The following IBA57 variants were observed in gnomAD, a reference collection of about 807,000 sequenced individuals.
IBA57 encodes the protein iron-sulfur cluster assembly factor IBA57, also known as iron-sulfur cluster assembly factor IBA57, mitochondrial.
A neutral mutation model predicts 20.4 loss-of-function variants in IBA57; 20 were observed. That is an observed-to-expected ratio of 0.98 (90% CI 0.69 to 1.42). The LOEUF (loss-of-function observed/expected upper bound fraction) is 1.42. Ranked by LOEUF, IBA57 falls within the 40% of genes most tolerant of loss-of-function variation. The pLI is 0.00. For missense variants in IBA57, 608 were observed against 499.3 expected (o/e 1.22, Z -2.07); for synonymous variants, 310 against 233.9 (o/e 1.33, Z -2.97).
chr1:228,179,219 C>T lies in IBA57; in HGVS notation c.*3706C>T, dbSNP rs2035072501. The T allele has an allele frequency of 6.6e-6, 1 of 151,808 alleles. No individual in the cohort carries two copies. The highest frequency in any genetic ancestry group is 1.5e-5 in the Non-Finnish European group (1 of 68,004). The allele number at this position is 151,808 out of a possible 1,614,324, so 9.4% of individuals were successfully genotyped here. On this transcript the variant is annotated 3_prime_UTR_variant, in exon 3 of 3. Transcript: ENST00000366711. ...GAAGCACACACACCAATGTTCTGAT[C>T]TTAGAGTAAGCAGACACATCACATG...
In IBA57 at chr1:228,166,015, G is replaced by T. The variant is rs1274392626; in HGVS notation, c.199G>T (p.Ala67Ser). ...GCTGCGCGTGCGTGGCCCCGACGCG[G>T]CGCCCTTCCTGCTAGGGCTGCTGAC... ...TLLRVRGPDAAPFLLGLLTNE... is the reference protein window; with the variant it reads ...TLLRVRGPDASPFLLGLLTNE... The change falls in exon 1 of 3, where the codon GCG becomes TCG. Residue 67 changes from alanine to serine, a missense_variant. Ala to Ser is a moderately conservative substitution (Grantham distance 99). Coordinates refer to ENST00000366711, the MANE Select transcript of IBA57 (RefSeq NM_001010867.4). The T allele has an allele frequency of 1.3e-6, 2 of 1,532,522 alleles. No homozygotes were observed. Among genetic ancestry groups the T allele is most frequent in the East Asian group, 2.5e-5 (1 of 40,122 alleles). 94.9% of individuals were successfully genotyped at this position (1,532,522 alleles called of 1,614,324 possible). A position where few individuals can be genotyped will look rare whatever the true frequency, so the allele number is the denominator to read the frequency against.
chr1:228,170,234 C>T lies in IBA57; in HGVS notation c.341+4077C>T, dbSNP rs2034905454. Among the ~76,000 whole-genome samples, 1 of 152,212 alleles carries T rather than the reference C, an allele frequency of 6.6e-6. No individual in the cohort carries two copies. Among genetic ancestry groups the T allele is most frequent in the Admixed American group, 6.5e-5 (1 of 15,282 alleles). On this transcript the variant is annotated intron_variant, in intron 1 of 2. Coordinates refer to ENST00000366711, the MANE Select transcript of IBA57 (RefSeq NM_001010867.4). The surrounding 1 kb of genome is among the most constrained non-coding windows in gnomAD (Gnocchi z 4.8). ...ATGGACCACAGTTTATTTGTCCACTCATCTACTGAGGGACATATTGGTTGC... is the reference window on the plus strand; with the variant it reads ...ATGGACCACAGTTTATTTGTCCACTTATCTACTGAGGGACATATTGGTTGC...
rs2035077253 is a variant in IBA57, at chr1:228,179,623, C to T, written c.*4110C>T. 1 of 152,192 alleles carries T rather than the reference C, an allele frequency of 6.6e-6. No homozygotes were observed. 9.4% of individuals were successfully genotyped at this position (152,192 alleles called of 1,614,324 possible). A position where few individuals can be genotyped will look rare whatever the true frequency, so the allele number is the denominator to read the frequency against. ...GCCCCTGCTCCTTAGGTTCAGGAAC[C>T]AGCAGCTCCCAAGCAGCATAGTTAA... On this transcript the variant is annotated 3_prime_UTR_variant, in exon 3 of 3. Coordinates refer to ENST00000366711, the MANE Select transcript of IBA57 (RefSeq NM_001010867.4).
At chr1:228,167,604 G>A (rs944423435) in intron 1 of IBA57, among the ~76,000 whole-genome samples, 4 of 152,084 alleles carry the variant, frequency 2.6e-5, no homozygotes, top group South Asian at 4.1e-4. Flanking sequence ...TGATCCACCC[G>A]CCTCGGCCTC....
rs1303618851 is a variant in IBA57 at position 228,165,963 on chromosome 1, C to G, written c.147C>G (p.Ala49=). The G allele has an allele frequency of 2.0e-6, 3 of 1,514,726 alleles. No individual in the cohort carries two copies. Among genetic ancestry groups the G allele is most frequent in the Admixed American group, 4.1e-5 (2 of 49,166 alleles). The allele number at this position is 1,514,726 out of a possible 1,614,324, so 93.8% of individuals were successfully genotyped here. A position where few individuals can be genotyped will look rare whatever the true frequency, so the allele number is the denominator to read the frequency against. ...GGDPTAGAAW[A]CFRLDGRTLL... ...ACCCAACGGCCGGAGCGGCCTGGGC[C>G]TGCTTCCGGCTGGACGGGCGCACCC... Residue 49 remains alanine, a synonymous_variant, in exon 1 of 3, where the codon GCC becomes GCG. Transcript: ENST00000366711.
rs142293421 is a variant in IBA57 at position 228,174,954 on chromosome 1, G to C, written c.604G>C (p.Asp202His). ...ARMGWRLLTQ[D>H]EGPALVPGGR... ...CATGGGGTGGCGGCTCCTCACCCAG[G>C]ATGAAGGCCCAGCCCTGGTGCCCGG... The change falls in exon 2 of 3, where the codon GAT (aspartate) becomes CAT (histidine). Residue 202 changes from aspartate (D) to histidine (H), a missense_variant. Transcript: ENST00000366711. The C allele has an allele frequency of 3.8e-6, 6 of 1,571,106 alleles. No homozygotes were observed.
intron 1 of IBA57, 31 bp from the exon 2 acceptor site, chr1:228,174,661 C>G: frequency 6.7e-7 from 1 of 1,486,904 alleles, no homozygotes; most frequent in Non-Finnish European, 8.9e-7. Context: ...AGTTGGTGAG[C>G]TGCCATGCGC....
At chr1:228,167,176 C>T (rs1174279001) in intron 1 of IBA57, among the ~76,000 whole-genome samples, 1 of 152,166 alleles carries the variant, frequency 6.6e-6, no homozygotes. Context: ...AAATGTCATG[C>T]TGATGTGTCT....
rs2034986410 is a variant in IBA57 at position 228,174,874 on chromosome 1, TG to T, written c.525del (p.Gln176ArgfsTer75). 1 of 1,609,142 alleles carries T rather than the reference TG, an allele frequency of 6.2e-7. No individual in the cohort carries two copies. Among genetic ancestry groups the T allele is most frequent in the Non-Finnish European group, 8.5e-7 (1 of 1,178,798 alleles). Reference protein sequence around the residue: ...SSPEACGAASLQERAGAAAIL... With the variant: ...SSPEACGAASXQERAGAAAIL... ...CCTGAGGCCTGCGGGGCTGCATCGC[TG>T]CAGGAGAGGGCAGGGGCTGCCGCCA... On this transcript the variant is annotated frameshift_variant, in exon 2 of 3. Transcript: ENST00000366711. LOFTEE classifies it high-confidence loss of function.
Position 228,166,073 on chromosome 1 carries a change from CG to C in IBA57, c.262del (p.Ala88ProfsTer13). On this transcript the variant is annotated frameshift_variant, in exon 1 of 3. Transcript: ENST00000366711. LOFTEE classifies it high-confidence loss of function. ...CTGCCGCTTCCGAGTCCTGCGGCCG[CG>C]GGGGCCCCGCCTGCTGCGCGCGCGG... ...NELPLPSPAA[A>X]GAPPAARAGY... The C allele has an allele frequency of 3.9e-6, 6 of 1,537,036 alleles. No individual in the cohort carries two copies. The highest frequency in any genetic ancestry group is 4.4e-6 in the Non-Finnish European group (5 of 1,144,960).
Position 228,181,501 on chromosome 1 carries a change from G to A in IBA57, c.*5988G>A, listed in dbSNP as rs1037559662. ...ATCTCCACCCAATATGAGTGATGGC[G>A]ACTGATTCCCTTACTTTAGCAAGCT... On this transcript the variant is annotated 3_prime_UTR_variant, in exon 3 of 3. Transcript: ENST00000366711. The A allele has an allele frequency of 3.3e-5, 5 of 152,258 alleles. No individual in the cohort carries two copies. The highest frequency in any genetic ancestry group is 1.2e-4 in the African/African-American group (5 of 41,460). 9.4% of individuals were successfully genotyped at this position (152,258 alleles called of 1,614,324 possible). A position where few individuals can be genotyped will look rare whatever the true frequency, so the allele number is the denominator to read the frequency against.
In IBA57 at chr1:228,171,342, G is replaced by A. The variant is rs1295405989; in HGVS notation, c.342-3350G>A. 3.1e-4 allele frequency: 47 copies of A among 152,244 alleles called. 1 individual carries two copies. Among genetic ancestry groups the A allele is most frequent in the Admixed American group, 3.1e-3 (47 of 15,286 alleles). 9.4% of individuals were successfully genotyped at this position (152,244 alleles called of 1,614,324 possible). ...CTCCTGTGAGGCAAGTCTCCTGGCAGTCTTCAGGTGTGGCAGGGGTTGGGG... is the reference window on the plus strand; with the variant it reads ...CTCCTGTGAGGCAAGTCTCCTGGCAATCTTCAGGTGTGGCAGGGGTTGGGG... On this transcript the variant is annotated intron_variant, in intron 1 of 2. Transcript: ENST00000366711.
chr1:228,167,378 C>T (rs1404217543), intron 1 of IBA57, among the ~76,000 whole-genome samples: 5 of 133,288 alleles, frequency 3.8e-5, no homozygotes, highest in Admixed American at 3.2e-4. Flanking sequence ...TTTTTTGAGA[C>T]GGAGTTTTGC....
At chr1:228,169,640 C>T (rs1020201746) in intron 1 of IBA57, among the ~76,000 whole-genome samples, 12 of 152,146 alleles carry the variant, frequency 7.9e-5, no homozygotes, top group African/African-American at 2.2e-4. Flanking sequence ...TGTCTACCAT[C>T]GTAGCATCAC....
In IBA57 at chr1:228,174,763, A is replaced by G. The variant is rs1032465454; in HGVS notation, c.413A>G (p.Lys138Arg). The stretch of plus-strand genomic sequence containing the variant: ...AGCTCGGTGCAGGGCGCGCTGCAGA[A>G]GCACCTCGCGCTATACAGGATCCGG... Reference protein sequence around the residue: ...CDSSVQGALQKHLALYRIRRK... With the variant: ...CDSSVQGALQRHLALYRIRRK... The change falls in exon 2 of 3, where the codon AAG (lysine) becomes AGG (arginine). Residue 138 changes from lysine (K) to arginine (R), a missense_variant. Physicochemically the swap from Lys to Arg is conservative, Grantham distance 26 (BLOSUM62 2). Coordinates refer to ENST00000366711, the MANE Select transcript of IBA57 (RefSeq NM_001010867.4). 5 of 1,609,354 alleles carry G rather than the reference A, an allele frequency of 3.1e-6. No homozygotes were observed. In the African/African-American group the frequency reaches 6.7e-5, roughly 21 times the overall value.
chr1:228,175,116 C>G lies in IBA57; in HGVS notation c.680-6C>G, dbSNP rs752381483. The G allele has an allele frequency of 1.2e-6, 2 of 1,609,962 alleles. No homozygotes were observed. The highest frequency in any genetic ancestry group is 1.7e-6 in the Non-Finnish European group (2 of 1,178,046). ...CTCGCTGGTTTCCCCCCTCCAATCC[C>G]TGCAGGCGTTCCTGAGGGGGTCCGA... is the stretch of plus-strand genomic sequence containing the variant. On this transcript the variant is annotated splice_polypyrimidine_tract_variant and splice_region_variant and intron_variant, in intron 2 of 2. Transcript: ENST00000366711.
Position 228,175,792 on chromosome 1 carries a change from C to T in IBA57, c.*279C>T. 2.7e-6 allele frequency: 1 copy of T among 363,700 alleles called. No individual in the cohort carries two copies. Among genetic ancestry groups the T allele is most frequent in the East Asian group, 4.8e-5 (1 of 20,898 alleles). 22.5% of individuals were successfully genotyped at this position (363,700 alleles called of 1,614,324 possible). On this transcript the variant is annotated 3_prime_UTR_variant, in exon 3 of 3. Transcript: ENST00000366711. ...ATGGCGCCGGGTCCCAATCGTGGCT[C>T]CACACAGGGTTGTCTGGGAGGACGG...
chr1:228,175,455 G>T lies in IBA57; in HGVS notation c.1013G>T (p.Gly338Val). The change falls in exon 3 of 3, where the codon GGT (glycine) becomes GTT (valine). Residue 338 changes from glycine to valine, a missense_variant. Coordinates refer to ENST00000366711, the MANE Select transcript of IBA57 (RefSeq NM_001010867.4). ...KGPLHIRASE[G>V]AQVALAASVP... ...CCTCTGCACATCAGAGCCTCTGAGGGTGCCCAGGTGGCCTTAGCCGCATCT... is the reference window on the plus strand; with the variant it reads ...CCTCTGCACATCAGAGCCTCTGAGGTTGCCCAGGTGGCCTTAGCCGCATCT... 1 of 1,605,924 alleles carries T rather than the reference G, an allele frequency of 6.2e-7. No individual in the cohort carries two copies. Among genetic ancestry groups the T allele is most frequent in the Non-Finnish European group, 8.5e-7 (1 of 1,175,364 alleles).
rs1465372262 is a variant in IBA57 at position 228,181,977 on chromosome 1, T to C, written c.*6464T>C. On this transcript the variant is annotated 3_prime_UTR_variant, in exon 3 of 3. Coordinates refer to ENST00000366711, the MANE Select transcript of IBA57 (RefSeq NM_001010867.4). ...TGTCTGGGCTGTGGGCATCTGACCA[T>C]CTCCAGTGTCCCCGTCTTTGATTTC... 6.6e-6 allele frequency: 1 copy of C among 152,248 alleles called. No individual in the cohort carries two copies. Among genetic ancestry groups the C allele is most frequent in the Non-Finnish European group, 1.5e-5 (1 of 68,048 alleles). The allele number at this position is 152,248 out of a possible 1,614,324, so 9.4% of individuals were successfully genotyped here.
Sources: gnomAD v4.1 joint callset for allele counts (sites outside exome capture counted in the v4.1 genomes callset) on GRCh38, gnomAD v4.1.1 for gene constraint, Gnocchi (gnomAD v3.1) non-coding constraint, MANE v1.5 for transcripts, NCBI Gene and HGNC (gene_info 2026-07-23, HGNC 2026-07-21) for gene names.